Variants in ARHGEF28 observed in about 807,000 individuals in gnomAD.
ARHGEF28 encodes 190 kDa guanine nucleotide exchange factor.
In ARHGEF28, 152 loss-of-function variants were observed where a neutral mutation model predicts 206.6. That is an observed-to-expected ratio of 0.74 (90% CI 0.64 to 0.84). ARHGEF28 has a LOEUF of 0.84. Ranked by LOEUF, ARHGEF28 falls within the 40% of genes least tolerant of loss-of-function variation. The pLI is 0.00. For synonymous variants in ARHGEF28, 763 were observed against 776.4 expected, an observed-to-expected ratio of 0.98 and a Z score of 0.29; for missense variants, 2,028 against 2,073.2, an observed-to-expected ratio of 0.98 and a Z score of 0.42.
chr5:73,772,540 G>A (rs1753279335), intron 4 of ARHGEF28, among the ~76,000 whole-genome samples: 1 of 152,180 alleles, frequency 6.6e-6, no homozygotes, highest in South Asian at 2.1e-4. Context: ...CACCATGCCT[G>A]TTTAATTTTT....
At chr5:73,652,443 G>A (rs1349611604) in intron 1 of ARHGEF28, among the ~76,000 whole-genome samples, 2 of 152,172 alleles carry the variant, frequency 1.3e-5, no homozygotes, top group Non-Finnish European at 2.9e-5. Context: ...GAGCAGGAGT[G>A]GGAATGAGTG....
chr5:73,909,297 T>G (rs1009876528), intron 33 of ARHGEF28, 115 bp from the exon 34 acceptor site: 4 of 1,429,950 alleles, frequency 2.8e-6, no homozygotes, highest in Admixed American at 2.7e-5. Flanking sequence ...CCAGAAATAT[T>G]AAGAGAAGTG....
intron 10 of ARHGEF28, among the ~76,000 whole-genome samples, chr5:73,836,852 G>A (rs1757673979): frequency 6.6e-6 from 1 of 152,052 alleles, no homozygotes; most frequent in African/African-American, 2.4e-5. Flanking sequence ...GGTAAGATAG[G>A]GATCCAGTTT....
chr5:73,664,186 G>A (rs892837695), intron 1 of ARHGEF28, among the ~76,000 whole-genome samples: 1 of 152,216 alleles, frequency 6.6e-6, no homozygotes, highest in African/African-American at 2.4e-5. Context: ...TACCAACACA[G>A]CTGTGGCCAA....
At chr5:73,638,782 G>A (rs1743880039) in intron 1 of ARHGEF28, among the ~76,000 whole-genome samples, 5 of 152,090 alleles carry the variant, frequency 3.3e-5, no homozygotes, top group Admixed American at 6.6e-5. Context: ...AATACTAATC[G>A]AATGAATCAC....
intron 1 of ARHGEF28, among the ~76,000 whole-genome samples, chr5:73,662,227 T>C (rs1386905987): frequency 6.6e-6 from 1 of 152,248 alleles, no homozygotes; most frequent in Non-Finnish European, 1.5e-5. Context: ...TAGTTTCTAG[T>C]GTCTTTATAA....
intron 1 of ARHGEF28, among the ~76,000 whole-genome samples, chr5:73,652,084 G>C (rs1362826259): frequency 6.6e-6 from 1 of 151,624 alleles, no homozygotes; most frequent in Non-Finnish European, 1.5e-5. Context: ...GTTGCAAAGA[G>C]GTTTGAGAAC....
Position 73,753,180 on chromosome 5 carries a change from G to A in ARHGEF28, c.453G>A (p.Val151=). ...TGGAATTGCCTCTAGAGTGGACTGT[G>A]TTGGGAAGTTCTTCACTTGAAGGTG... ...THLELPLEWT[V]LGSSSLEVSS... Residue 151 remains valine (V), a synonymous_variant, in exon 4 of 36, where the codon GTG becomes GTA. Coordinates refer to ENST00000513042, the MANE Select transcript of ARHGEF28 (RefSeq NM_001177693.2). The A allele has an allele frequency of 6.6e-7, 1 of 1,523,838 alleles. No homozygotes were observed. The highest frequency in any genetic ancestry group is 8.8e-7 in the Non-Finnish European group (1 of 1,138,694). 94.4% of individuals were successfully genotyped at this position (1,523,838 alleles called of 1,614,324 possible).
Position 73,776,627 on chromosome 5 carries a change from C to G in ARHGEF28, c.771C>G (p.Ala257=). Residue 257 remains alanine, a synonymous_variant, in exon 6 of 36, where the codon GCC becomes GCG. Coordinates refer to ENST00000513042, the MANE Select transcript of ARHGEF28 (RefSeq NM_001177693.2). ...ETLTLTLNHT[A]EHLLEADIKL... ...TGACCCTGACCCTGAACCACACAGC[C>G]GAGCATTTGTTGGAGGCAGATATTA... 1 of 1,613,840 alleles carries G rather than the reference C, an allele frequency of 6.2e-7. No individual in the cohort carries two copies. Among genetic ancestry groups the G allele is most frequent in the Non-Finnish European group, 8.5e-7 (1 of 1,179,764 alleles).
Position 73,840,560 on chromosome 5 carries a change from G to T in ARHGEF28, c.1227G>T (p.Leu409=). The T allele has an allele frequency of 6.2e-7, 1 of 1,613,922 alleles. No individual in the cohort carries two copies. The highest frequency in any genetic ancestry group is 1.3e-5 in the African/African-American group (1 of 75,040). Residue 409 remains leucine, a synonymous_variant, in exon 11 of 36, where the codon CTG becomes CTT. Coordinates refer to ENST00000513042, the MANE Select transcript of ARHGEF28 (RefSeq NM_001177693.2). ...GCCCTGAATCCAGAGGTTGCACTCTGTGGCCTCAGAGCAGCAAACACACCC... is the reference window on the plus strand; with the variant it reads ...GCCCTGAATCCAGAGGTTGCACTCTTTGGCCTCAGAGCAGCAAACACACCC... The part of the protein sequence containing the change: ...TTSPESRGCT[L]WPQSSKHTLP...
At position 73,868,102 on chromosome 5, in the gene ARHGEF28, T is replaced by A; in HGVS notation, c.2300T>A (p.Phe767Tyr). ...RSVPGTTLES[F>Y]RRSATSLESE... is the part of the protein sequence containing the mutation. Reference sequence around the variant, plus strand: ...TTGCTCCCCTCCCTCTCTCCTAGCTTCAGGAGGTCAGCCACATCCTTGGAG... The same window carrying A: ...TTGCTCCCCTCCCTCTCTCCTAGCTACAGGAGGTCAGCCACATCCTTGGAG... Residue 767 changes from phenylalanine (F) to tyrosine (Y), a missense_variant and splice_region_variant, in exon 20 of 36, where the codon TTC becomes TAC. This residue lies in a region of ARHGEF28 where 1,002 missense variants were observed against 1,015.3 expected (regional missense o/e 0.99). Coordinates refer to ENST00000513042, the MANE Select transcript of ARHGEF28 (RefSeq NM_001177693.2). 1 of 1,612,348 alleles carries A rather than the reference T, an allele frequency of 6.2e-7. No homozygotes were observed. Among genetic ancestry groups the A allele is most frequent in the Non-Finnish European group, 8.5e-7 (1 of 1,179,214 alleles).
chr5:73,735,814 C>T (rs973900856), intron 2 of ARHGEF28, among the ~76,000 whole-genome samples: 3 of 152,174 alleles, frequency 2.0e-5, no homozygotes, highest in South Asian at 2.1e-4. Flanking sequence ...CACAGCCTGG[C>T]GATAATAAAC....
intron 14 of ARHGEF28, 37 bp downstream of exon 14, chr5:73,852,729 A>G (rs761080029): frequency 1.0e-5 from 16 of 1,600,718 alleles, no homozygotes; most frequent in Non-Finnish European, 1.3e-5. Flanking sequence ...GAGGAACTGC[A>G]TGATCCTTCT....
intron 2 of ARHGEF28, among the ~76,000 whole-genome samples, chr5:73,696,346 G>A (rs1015332619): frequency 1.5e-4 from 23 of 152,266 alleles, no homozygotes; most frequent in Admixed American, 5.2e-4. Context: ...TCAGTTCTTC[G>A]TGAATGCCAT....
chr5:73,857,634 A>G (rs962324893), intron 14 of ARHGEF28, 22 bp from the exon 15 acceptor site: 1 of 1,554,490 alleles, frequency 6.4e-7, no homozygotes, highest in African/African-American at 1.4e-5. Context: ...ATGAGCCATG[A>G]TAACAGATTC....
intron 1 of ARHGEF28, among the ~76,000 whole-genome samples, chr5:73,683,908 A>T (rs1244597921): frequency 6.6e-6 from 1 of 152,188 alleles, no homozygotes; most frequent in African/African-American, 2.4e-5. Context: ...TTTTAGGAGC[A>T]GTCTATGGGA....
At chr5:73,761,926 G>A (rs1752621040) in intron 4 of ARHGEF28, among the ~76,000 whole-genome samples, 1 of 151,756 alleles carries the variant, frequency 6.6e-6, no homozygotes, top group Non-Finnish European at 1.5e-5. Flanking sequence ...AGACTTCTGG[G>A]CTCAAGTGAT....
At chr5:73,851,534 C>G (rs1285225865) in intron 13 of ARHGEF28, among the ~76,000 whole-genome samples, 1 of 151,860 alleles carries the variant, frequency 6.6e-6, no homozygotes, top group East Asian at 1.9e-4. Flanking sequence ...AGGAACATTG[C>G]CAATATTAAA....
intron 9 of ARHGEF28, among the ~76,000 whole-genome samples, chr5:73,824,449 C>T (rs1561432231): frequency 6.6e-5 from 10 of 150,900 alleles, no homozygotes. Context: ...GGGGAATAGA[C>T]AATACTCACT....
Sources: allele counts gnomAD v4.1 joint callset (sites outside exome capture counted in the v4.1 genomes callset), GRCh38; gene constraint gnomAD v4.1.1; regional missense constraint gnomAD v4.1.1; transcripts MANE v1.5; gene names NCBI Gene and HGNC (gene_info 2026-07-23, HGNC 2026-07-21).